SNTG1: variants seen among roughly 807,000 people sequenced by gnomAD.
SNTG1 encodes the protein syntrophin gamma 1, also known as gamma-1-syntrophin.
Under a neutral mutation model 74.7 loss-of-function variants are expected in SNTG1, and 39 were observed. The observed-to-expected ratio is 0.52, with a 90% CI of 0.40 to 0.68. SNTG1 has a LOEUF of 0.68. Among genes scored for constraint, SNTG1 ranks in the 30% least tolerant of loss-of-function variants. The pLI is 0.00. For synonymous variants in SNTG1, 254 were observed against 217.1 expected (o/e 1.17, Z -1.49); for missense variants, 685 against 609.5 (o/e 1.12, Z -1.30).
Position 50,001,526 on chromosome 8 carries a change from C to T in SNTG1, c.-103+89295C>T, listed in dbSNP as rs535411626. ...CAGTCAAGGAGAGAACACTCATCAT[C>T]TATTGTCTTACATACCTCTGGCTCA... On this transcript the variant is annotated intron_variant, in intron 1 of 18. Coordinates refer to ENST00000642720, the MANE Select transcript of SNTG1 (RefSeq NM_018967.5). Among the ~76,000 whole-genome samples the T allele has an allele frequency of 2.2e-3, 341 of 152,302 alleles. 1 individual carries two copies. Among genetic ancestry groups the T allele is most frequent in the Non-Finnish European group, 3.7e-3 (251 of 68,030 alleles).
intron 4 of SNTG1, among the ~76,000 whole-genome samples, chr8:50,431,013 G>C (rs984098706): frequency 6.6e-6 from 1 of 152,150 alleles, no homozygotes; most frequent in African/African-American, 2.4e-5. Flanking sequence ...AGATGCTTGT[G>C]CCTTACTTCA....
chr8:50,429,062 A>ATT (rs397970273), intron 4 of SNTG1, among the ~76,000 whole-genome samples: 4,229 of 152,214 alleles, frequency 0.028, 188 homozygotes, highest in African/African-American at 0.095. Flanking sequence ...TTATATTATC[A>ATT]TAATAATCCC....
intron 13 of SNTG1, among the ~76,000 whole-genome samples, chr8:50,627,928 A>G (rs2094967758): frequency 6.6e-6 from 1 of 152,082 alleles, no homozygotes; most frequent in Non-Finnish European, 1.5e-5. Context: ...TGATTACATT[A>G]TTGGCCATTA....
At chr8:50,459,460 A>G (rs2093539851) in intron 8 of SNTG1, among the ~76,000 whole-genome samples, 1 of 152,096 alleles carries the variant, frequency 6.6e-6, no homozygotes, top group Non-Finnish European at 1.5e-5. Context: ...ATTTATTTTG[A>G]ATTTTCATGT....
At chr8:50,268,796 A>G (rs2087618005) in intron 2 of SNTG1, among the ~76,000 whole-genome samples, 1 of 152,024 alleles carries the variant, frequency 6.6e-6, no homozygotes, top group Non-Finnish European at 1.5e-5. Context: ...AGCTGGAATT[A>G]CAGGCACACA....
chr8:50,130,023 T>A (rs1369829875), intron 1 of SNTG1, among the ~76,000 whole-genome samples: 8 of 152,060 alleles, frequency 5.3e-5, no homozygotes, highest in Non-Finnish European at 1.0e-4. Context: ...CTGTACAATA[T>A]CACTATGGAA....
At chr8:49,925,206 A>G (rs1806912986) in intron 1 of SNTG1, among the ~76,000 whole-genome samples, 1 of 152,184 alleles carries the variant, frequency 6.6e-6, no homozygotes, top group African/African-American at 2.4e-5. Flanking sequence ...ATGCACAGTT[A>G]TGTTATATTT....
intron 2 of SNTG1, among the ~76,000 whole-genome samples, chr8:50,305,363 G>T (rs1453387411): frequency 6.6e-6 from 1 of 151,890 alleles, no homozygotes; most frequent in Non-Finnish European, 1.5e-5. Flanking sequence ...TTTAATGTTT[G>T]TTTTTAAAGT....
At chr8:50,001,429 GT>G (rs1814729598) in intron 1 of SNTG1, among the ~76,000 whole-genome samples, 1 of 152,126 alleles carries the variant, frequency 6.6e-6, no homozygotes. Flanking sequence ...CTATATTAGT[GT>G]TTACTGAAGT....
chr8:50,246,274 G>A (rs564249302), intron 2 of SNTG1, among the ~76,000 whole-genome samples: 2 of 151,986 alleles, frequency 1.3e-5, no homozygotes, highest in South Asian at 2.1e-4. Flanking sequence ...AGCTTAAGGA[G>A]CAGATACAAG....
intron 12 of SNTG1, among the ~76,000 whole-genome samples, chr8:50,555,517 G>T (rs933390071): frequency 1.7e-4 from 26 of 152,216 alleles, no homozygotes; most frequent in African/African-American, 6.0e-4. Context: ...TTTTGCTTAG[G>T]TTAGTTAGAT....
At chr8:50,593,231 T>C (rs2094703921) in intron 13 of SNTG1, among the ~76,000 whole-genome samples, 2 of 152,016 alleles carry the variant, frequency 1.3e-5, no homozygotes, top group African/African-American at 2.4e-5. Flanking sequence ...AAGCAAAACA[T>C]AGGGAGAAAG....
intron 15 of SNTG1, among the ~76,000 whole-genome samples, chr8:50,703,220 A>T (rs994221074): frequency 3.3e-5 from 5 of 152,226 alleles, no homozygotes; most frequent in Non-Finnish European, 7.3e-5. Flanking sequence ...TGCTTAGCTT[A>T]AAACACAAAC....
At chr8:50,658,072 C>G (rs979431254) in intron 14 of SNTG1, among the ~76,000 whole-genome samples, 1 of 152,072 alleles carries the variant, frequency 6.6e-6, no homozygotes, top group African/African-American at 2.4e-5. Context: ...TATTCCTACT[C>G]TGAATAATTT....
chr8:50,634,971 G>C (rs574407430), intron 13 of SNTG1, among the ~76,000 whole-genome samples: 1 of 152,064 alleles, frequency 6.6e-6, no homozygotes, highest in Admixed American at 6.6e-5. Flanking sequence ...TGTACCTTTG[G>C]GATTGGTCTA....
At chr8:50,089,690 A>G (rs539809857) in intron 1 of SNTG1, among the ~76,000 whole-genome samples, 21 of 152,362 alleles carry the variant, frequency 1.4e-4, no homozygotes, top group African/African-American at 4.8e-4. Context: ...AGAAATACAA[A>G]TCAAAACCAC....
intron 2 of SNTG1, among the ~76,000 whole-genome samples, chr8:50,312,959 A>G (rs1439332495): frequency 2.0e-5 from 3 of 149,928 alleles, no homozygotes; most frequent in Admixed American, 6.7e-5. Context: ...TGGGAGAATT[A>G]ATATTGTTAA....
At chr8:50,420,797 C>T (rs762108360) in intron 4 of SNTG1, among the ~76,000 whole-genome samples, 15 of 138,336 alleles carry the variant, frequency 1.1e-4, no homozygotes, top group Admixed American at 1.4e-4. Flanking sequence ...GAGGCTGAGG[C>T]GGGTGGATCA....
At chr8:50,032,446 G>A (rs2054742) in intron 1 of SNTG1, among the ~76,000 whole-genome samples, 133,436 of 152,114 alleles carry the variant, frequency 0.88, 58,626 homozygotes, top group East Asian at 0.99. Context: ...TTAGAAAACA[G>A]CACTCATGGT....
Sources: allele counts gnomAD v4.1 joint callset (sites outside exome capture counted in the v4.1 genomes callset), GRCh38; gene constraint gnomAD v4.1.1; transcripts MANE v1.5; gene names NCBI Gene and HGNC (gene_info 2026-07-23, HGNC 2026-07-21).